IL17D: variants seen among roughly 807,000 people sequenced by gnomAD.
IL17D encodes the protein interleukin 17D, also known as interleukin-17D.
A neutral mutation model predicts 5.7 loss-of-function variants in IL17D; 10 were observed. The observed-to-expected ratio is 1.75, with a 90% confidence interval of 1.08 to 2.97. The LOEUF is 2.97. Among genes scored for constraint, IL17D ranks in the 30% most tolerant of loss-of-function variants. The pLI, the probability that IL17D is intolerant of heterozygous loss-of-function variation, is 0.00. For synonymous variants in IL17D, 172 were observed against 141.7 expected (o/e 1.21, Z -1.52); for missense variants, 354 against 292.7 (o/e 1.21, Z -1.53).
chr13:20,719,701 C>G (rs1056543367), intron 1 of IL17D, among the ~76,000 whole-genome samples: 2 of 152,210 alleles, frequency 1.3e-5, no homozygotes, highest in African/African-American at 4.8e-5. Flanking sequence ...TGAACAGACA[C>G]GACACTATTA....
At chr13:20,705,025 G>A (rs1321649565) in intron 1 of IL17D, among the ~76,000 whole-genome samples, 4 of 152,188 alleles carry the variant, frequency 2.6e-5, no homozygotes, top group Non-Finnish European at 5.9e-5. Context: ...AGAAGAAAGG[G>A]ACAGCCTGCA....
intron 1 of IL17D, among the ~76,000 whole-genome samples, chr13:20,711,185 A>G (rs550931223): frequency 6.6e-6 from 1 of 152,180 alleles, no homozygotes; most frequent in African/African-American, 2.4e-5. Flanking sequence ...AATCACTTGA[A>G]CTGGGGAGGT....
Position 20,704,152 on chromosome 13 carries a change from C to T in IL17D, c.151C>T (p.Leu51Phe). Residue 51 changes from leucine (L) to phenylalanine (F), a missense_variant, in exon 1 of 2, where the codon CTC becomes TTC. By Grantham distance (22) the Leu-to-Phe change is conservative. Transcript: ENST00000682841. ...GTACGGGCGCCTGGCGGCCGGCGTG[C>T]TCAGTGCCTTCCACCACACGCTGCA... is the stretch of plus-strand genomic sequence containing the variant. ...QLYGRLAAGV[L>F]SAFHHTLQLG... is the part of the protein sequence containing the mutation. The T allele has an allele frequency of 7.3e-7, 1 of 1,363,972 alleles. No homozygotes were observed. The highest frequency in any genetic ancestry group is 9.5e-7 in the Non-Finnish European group (1 of 1,049,794). The allele number at this position is 1,363,972 out of a possible 1,614,324, so 84.5% of individuals were successfully genotyped here. A position where few individuals can be genotyped will look rare whatever the true frequency, so the allele number is the denominator to read the frequency against.
At chr13:20,701,701 TA>T (rs1319144834), upstream of IL17D, 7 of 152,206 alleles carry the variant, frequency 4.6e-5, no homozygotes, top group African/African-American at 1.7e-4. Flanking sequence ...GGTTTGAACT[TA>T]CTAACATGCT....
intron 1 of IL17D, among the ~76,000 whole-genome samples, chr13:20,705,621 C>T (rs973657631): frequency 3.3e-5 from 5 of 152,264 alleles, no homozygotes; most frequent in African/African-American, 9.6e-5. Flanking sequence ...AGATTGAGCC[C>T]GGGAGGTTCA....
intron 1 of IL17D, among the ~76,000 whole-genome samples, chr13:20,707,673 A>G (rs2058601331): frequency 6.6e-6 from 1 of 152,092 alleles, no homozygotes; most frequent in Non-Finnish European, 1.5e-5. Flanking sequence ...GGTGCGCACC[A>G]CCACATGCAG....
Position 20,720,880 on chromosome 13 carries a change from C to G in IL17D, c.291-756C>G, listed in dbSNP as rs1168750315. 1.4e-5 allele frequency among the ~76,000 whole-genome samples: 2 copies of G among 141,674 alleles called. 1 individual carries two copies. Among genetic ancestry groups the G allele is most frequent in the Non-Finnish European group, 3.1e-5 (2 of 64,554 alleles). The allele number at this position is 141,674 out of a possible 152,430, so 92.9% of individuals were successfully genotyped here. A position where few individuals can be genotyped will look rare whatever the true frequency, so the allele number is the denominator to read the frequency against. ...CCAGACCACCTCCCTCCCAACCCCC[C>G]CCCCCCTCCCCCGGCAGACTCCCTC... On this transcript the variant is annotated intron_variant, in intron 1 of 1. Transcript: ENST00000682841.
At chr13:20,706,907 G>A (rs1035517419) in intron 1 of IL17D, among the ~76,000 whole-genome samples, 3 of 152,206 alleles carry the variant, frequency 2.0e-5, no homozygotes, top group Non-Finnish European at 4.4e-5. Context: ...AGTGGCAGCT[G>A]CAGCAGGGTG....
chr13:20,717,369 G>C (rs1409644663), intron 1 of IL17D: 1 of 152,258 alleles, frequency 6.6e-6, no homozygotes, highest in African/African-American at 2.4e-5. Flanking sequence ...GTCCGTGTTT[G>C]GTAAGAGAAA....
intron 1 of IL17D, among the ~76,000 whole-genome samples, chr13:20,710,628 T>TAAAGAAA (rs2058628619): frequency 3.6e-5 from 2 of 55,266 alleles, no homozygotes; most frequent in Non-Finnish European, 6.1e-5. Context: ...AAACTCTGTC[T>TAAAGAAA]AAAAAAAAAA....
upstream of IL17D, chr13:20,701,882 A>T (rs1465880153): frequency 6.6e-6 from 1 of 152,232 alleles, no homozygotes; most frequent in East Asian, 1.9e-4. Context: ...GCTGGAAAGT[A>T]AATATTTTCC....
intron 1 of IL17D, chr13:20,713,880 C>G (rs985782584): frequency 2.0e-5 from 3 of 152,336 alleles, no homozygotes; most frequent in African/African-American, 7.2e-5. Context: ...AGAGTCCAGG[C>G]TCATGTTGTG....
At chr13:20,707,958 G>C (rs1389330571) in intron 1 of IL17D, among the ~76,000 whole-genome samples, 1 of 152,174 alleles carries the variant, frequency 6.6e-6, no homozygotes, top group African/African-American at 2.4e-5. Flanking sequence ...TGTCACCCAG[G>C]CTGGAATGCA....
intron 1 of IL17D, among the ~76,000 whole-genome samples, chr13:20,704,975 A>G (rs2058579866): frequency 6.6e-6 from 1 of 152,198 alleles, no homozygotes. Flanking sequence ...TGACATGAAC[A>G]GTTTCGAGAG....
chr13:20,722,092 C>T lies in IL17D; in HGVS notation c.*138C>T, dbSNP rs1414965803. ...GTGCCGGAGCACCAGCGCCGCCTTT[C>T]CATGGAGACTCGTAAGCAGCTTCAT... is the stretch of plus-strand genomic sequence containing the variant. On this transcript the variant is annotated 3_prime_UTR_variant, in exon 2 of 2. Coordinates refer to ENST00000682841, the MANE Select transcript of IL17D (RefSeq NM_001385224.1). The T allele has an allele frequency of 1.5e-6, 1 of 671,184 alleles. No individual in the cohort carries two copies. Among genetic ancestry groups the T allele is most frequent in the Non-Finnish European group, 2.4e-6 (1 of 411,914 alleles). 41.6% of individuals were successfully genotyped at this position (671,184 alleles called of 1,614,324 possible). A position where few individuals can be genotyped will look rare whatever the true frequency, so the allele number is the denominator to read the frequency against.
intron 1 of IL17D, among the ~76,000 whole-genome samples, chr13:20,719,298 C>T (rs1230950919): frequency 6.7e-6 from 1 of 148,334 alleles, no homozygotes; most frequent in Non-Finnish European, 1.5e-5. Context: ...CAGACACCTG[C>T]CCACACTCAC....
intron 1 of IL17D, among the ~76,000 whole-genome samples, chr13:20,720,874 A>ACCCCCCCCCCCCCCCCCCCCCCCCC (rs67735251): frequency 9.2e-5 from 7 of 75,746 alleles, no homozygotes; most frequent in African/African-American, 1.8e-4. Flanking sequence ...CTCCCTCCCA[A>ACCCCCCCCCCCCCCCCCCCCCCCCC]CCCCCCCCCC....
rs757632622 is a variant in IL17D at position 20,721,688 on chromosome 13, C to T, written c.343C>T (p.Leu115=). Residue 115 remains leucine (L), a synonymous_variant, in exon 2 of 2, where the codon CTG becomes TTG. Coordinates refer to ENST00000682841, the MANE Select transcript of IL17D (RefSeq NM_001385224.1). ...YPRYLPEAYC[L]CRGCLTGLFG... is the part of the protein sequence containing the mutation. ...CAGGTACCTGCCTGAAGCCTACTGC[C>T]TGTGCCGGGGCTGCCTGACCGGGCT... The T allele has an allele frequency of 1.1e-5, 18 of 1,611,066 alleles. No individual in the cohort carries two copies. Among genetic ancestry groups the T allele is most frequent in the Non-Finnish European group, 1.5e-5 (18 of 1,178,982 alleles).
At position 20,706,083 on chromosome 13, in the gene IL17D, G is replaced by A. The variant is rs541782387; in HGVS notation, c.290+1792G>A. Among the ~76,000 whole-genome samples, 8 of 152,290 alleles carry A rather than the reference G, an allele frequency of 5.3e-5. No homozygotes were observed. The East Asian group carries it at 1.5e-3, about 29-fold the overall frequency. ...GGGCCTCCTGCCTCCTGGCTACTCTGCAGAGGACCAAGCTCACTGTGGCAG... is the reference window on the plus strand; with the variant it reads ...GGGCCTCCTGCCTCCTGGCTACTCTACAGAGGACCAAGCTCACTGTGGCAG... On this transcript the variant is annotated intron_variant, in intron 1 of 1. Transcript: ENST00000682841.
Sources: allele counts gnomAD v4.1 joint callset (sites outside exome capture counted in the v4.1 genomes callset), GRCh38; gene constraint gnomAD v4.1.1; transcripts MANE v1.5; gene names NCBI Gene and HGNC (gene_info 2026-07-23, HGNC 2026-07-21).